PDE4D: variants seen among roughly 807,000 people sequenced by gnomAD.
PDE4D encodes phosphodiesterase 4D.
In PDE4D, 24 loss-of-function variants were observed where a neutral mutation model predicts 87.4. That is an observed-to-expected ratio of 0.27 (90% CI 0.20 to 0.39). PDE4D has a LOEUF of 0.39. Among genes scored for constraint, PDE4D ranks in the 10% least tolerant of loss-of-function variants. The probability of loss-of-function intolerance (pLI) is 1.00; values close to 1 mark genes in which losing one functional copy is unlikely to be tolerated. For missense variants in PDE4D, 714 were observed against 1,041.0 expected (o/e 0.69, Z 4.32); for synonymous variants, 384 against 383.2 (o/e 1.00, Z -0.02).
At chr5:59,612,805 G>A (rs1561324334) in intron 1 of PDE4D, among the ~76,000 whole-genome samples, 1 of 152,140 alleles carries the variant, frequency 6.6e-6, no homozygotes, top group Non-Finnish European at 1.5e-5. Context: ...CTGGCTGAAG[G>A]ACTTGAGAAC....
chr5:60,106,407 T>C (rs1776921564), intron 2 of PDE4D, among the ~76,000 whole-genome samples: 1 of 151,480 alleles, frequency 6.6e-6, no homozygotes, highest in East Asian at 1.9e-4. Context: ...ACAATAATAA[T>C]GGGAGACTTT....
intron 3 of PDE4D, among the ~76,000 whole-genome samples, chr5:59,983,958 T>C (rs915938171): frequency 6.6e-6 from 1 of 152,094 alleles, no homozygotes; most frequent in African/African-American, 2.4e-5. Flanking sequence ...AAAGGTTCAT[T>C]AGTAAGAGAG....
In PDE4D at chr5:59,156,331, A is replaced by ATATATATATATATG. The variant is rs1384479557; in HGVS notation, c.808+24263_808+24264insCATATATATATATA. 2.9e-3 allele frequency among the ~76,000 whole-genome samples: 351 copies of ATATATATATATATG among 122,712 alleles called. 2 individuals are homozygous for ATATATATATATATG. The highest frequency in any genetic ancestry group is 0.015 in the East Asian group (62 of 4,180). The allele number at this position is 122,712 out of a possible 152,430, so 80.5% of individuals were successfully genotyped here. On this transcript the variant is annotated intron_variant, in intron 5 of 14. Transcript: ENST00000340635. ...CCAGAAAAAAAAAAAATATATATAT[A>ATATATATATATATG]TGTGTGTGTGTGTGTGTGTGTGTGT...
Position 59,408,145 on chromosome 5 carries a change from A to G in PDE4D, c.456-192177T>C, listed in dbSNP as rs184364202. ...AGGCAGCTCCTCCCACCACAGTCCCAGTGGTACAGGAGGACTAAATGGTTT... is the reference window on the plus strand; with the variant it reads ...AGGCAGCTCCTCCCACCACAGTCCCGGTGGTACAGGAGGACTAAATGGTTT... On this transcript the variant is annotated intron_variant, in intron 1 of 14. Transcript: ENST00000340635. Among the ~76,000 whole-genome samples, 27 of 152,338 alleles carry G rather than the reference A, an allele frequency of 1.8e-4. No individual in the cohort carries two copies. In the East Asian group the frequency reaches 3.9e-3, roughly 22 times the overall value.
At chr5:60,462,832 G>A (rs1479732281) in intron 1 of PDE4D, among the ~76,000 whole-genome samples, 6 of 152,198 alleles carry the variant, frequency 3.9e-5, no homozygotes, top group Non-Finnish European at 8.8e-5. Context: ...CCTCATTAGA[G>A]AGTGTTTGTG....
intron 1 of PDE4D, among the ~76,000 whole-genome samples, chr5:59,883,023 C>T (rs1749674894): frequency 6.6e-6 from 1 of 152,142 alleles, no homozygotes. Flanking sequence ...AAGTGATCTG[C>T]CCGTCTTGGC....
At chr5:59,455,650 A>G (rs1268047095) in intron 1 of PDE4D, among the ~76,000 whole-genome samples, 1 of 152,200 alleles carries the variant, frequency 6.6e-6, no homozygotes, top group Non-Finnish European at 1.5e-5. Context: ...CATCCTCCAG[A>G]TGCCAGAATG....
chr5:60,283,772 G>A (rs1312765883), intron 1 of PDE4D, among the ~76,000 whole-genome samples: 5 of 152,094 alleles, frequency 3.3e-5, no homozygotes, highest in Non-Finnish European at 7.3e-5. Flanking sequence ...GGTCTCCCAA[G>A]GTGGCCATAC....
At chr5:60,505,019 A>T (rs1357495828) in intron 1 of PDE4D, among the ~76,000 whole-genome samples, 1 of 152,242 alleles carries the variant, frequency 6.6e-6, no homozygotes, top group East Asian at 1.9e-4. Context: ...AATGAACATA[A>T]ATCTTACATT....
intron 10 of PDE4D, among the ~76,000 whole-genome samples, chr5:58,989,152 G>A (rs1045121206): frequency 3.1e-5 from 4 of 130,524 alleles, no homozygotes; most frequent in Non-Finnish European, 4.9e-5. Flanking sequence ...TCCAGACATT[G>A]CCAAATGTCC....
chr5:60,430,127 T>G (rs1017184030), intron 1 of PDE4D: 8 of 525,038 alleles, frequency 1.5e-5, no homozygotes, highest in Admixed American at 7.7e-5. Context: ...AGGGCAAGTT[T>G]CCGGAGCTCT....
At chr5:60,258,381 G>C (rs1749315273) in intron 1 of PDE4D, among the ~76,000 whole-genome samples, 1 of 151,748 alleles carries the variant, frequency 6.6e-6, no homozygotes, top group Non-Finnish European at 1.5e-5. Context: ...TCAGTAATAA[G>C]ACCAAAAAAT....
intron 1 of PDE4D, among the ~76,000 whole-genome samples, chr5:60,231,897 A>G (rs1745850535): frequency 2.0e-5 from 3 of 151,962 alleles, no homozygotes; most frequent in African/African-American, 4.8e-5. Context: ...TAATAGTTGT[A>G]TGCCAAAAAT....
chr5:60,417,726 A>C (rs573837808), intron 1 of PDE4D, among the ~76,000 whole-genome samples: 1 of 152,296 alleles, frequency 6.6e-6, no homozygotes, highest in East Asian at 1.9e-4. Flanking sequence ...GAAGAAAAAA[A>C]ACTCTTCTGA....
intron 1 of PDE4D, among the ~76,000 whole-genome samples, chr5:59,475,711 G>A (rs1455294127): frequency 6.6e-6 from 1 of 151,978 alleles, no homozygotes; most frequent in African/African-American, 2.4e-5. Flanking sequence ...CTTACACAGT[G>A]CTTTTTTAGG....
intron 1 of PDE4D, among the ~76,000 whole-genome samples, chr5:60,409,484 G>A (rs1199998313): frequency 1.3e-5 from 2 of 152,014 alleles, no homozygotes; most frequent in African/African-American, 4.8e-5. Flanking sequence ...AGCTATCCAA[G>A]GGTAAAAACA....
At chr5:59,645,398 G>A (rs535252049) in intron 1 of PDE4D, among the ~76,000 whole-genome samples, 15 of 152,194 alleles carry the variant, frequency 9.9e-5, no homozygotes, top group Non-Finnish European at 5.9e-5. Flanking sequence ...CAATGTCTAC[G>A]TACTGATTTT....
At chr5:59,820,610 G>C (rs1769526311) in intron 1 of PDE4D, among the ~76,000 whole-genome samples, 1 of 152,052 alleles carries the variant, frequency 6.6e-6, no homozygotes, top group Non-Finnish European at 1.5e-5. Flanking sequence ...TAACAACCTG[G>C]GGTATCAGTG....
At chr5:59,059,582 C>T (rs1762837686) in intron 5 of PDE4D, among the ~76,000 whole-genome samples, 1 of 152,178 alleles carries the variant, frequency 6.6e-6, no homozygotes, top group Admixed American at 6.5e-5. Flanking sequence ...TTATTTTGTG[C>T]TATCAGTTTT....
Sources: gnomAD v4.1 joint callset for allele counts (sites outside exome capture counted in the v4.1 genomes callset) on GRCh38, gnomAD v4.1.1 for gene constraint, MANE v1.5 for transcripts, NCBI Gene and HGNC (gene_info 2026-07-23, HGNC 2026-07-21) for gene names.